The following ITGA2 variants were observed in gnomAD, a reference collection of about 807,000 sequenced individuals.
ITGA2 encodes integrin subunit alpha 2, also known as integrin alpha-2.
A neutral mutation model predicts 146.3 loss-of-function variants in ITGA2; 101 were observed. That is an observed-to-expected ratio of 0.69 (90% CI 0.59 to 0.81). ITGA2 has a LOEUF of 0.81. Among genes scored for constraint, ITGA2 ranks in the 40% least tolerant of loss-of-function variants. The pLI, the probability that ITGA2 is intolerant of heterozygous loss-of-function variation, is 0.00. For missense variants in ITGA2, 1,281 were observed against 1,402.7 expected, an observed-to-expected ratio of 0.91 and a Z score of 1.39; for synonymous variants, 477 against 487.1, an observed-to-expected ratio of 0.98 and a Z score of 0.27.
At position 53,051,784 on chromosome 5, in the gene ITGA2, C is replaced by T. The variant is rs3212507; in HGVS notation, c.779+225C>T. Among the ~76,000 whole-genome samples, 913 of 152,108 alleles carry T rather than the reference C, an allele frequency of 6.0e-3. 8 individuals are homozygous for T. Among genetic ancestry groups the T allele is most frequent in the African/African-American group, 0.021 (874 of 41,502 alleles). ...TGATTTTAGGATATTTATAAGATAT[C>T]ACATGATATTTAAATGAATTTATGT... On this transcript the variant is annotated intron_variant, in intron 7 of 29. Transcript: ENST00000296585.
In ITGA2 at chr5:53,048,373, C is replaced by A; in HGVS notation, c.398C>A (p.Pro133His). 1.2e-6 allele frequency: 2 copies of A among 1,613,648 alleles called. No individual in the cohort carries two copies. Among genetic ancestry groups the A allele is most frequent in the Non-Finnish European group, 1.7e-6 (2 of 1,179,570 alleles). The change falls in exon 5 of 30, where the codon CCT becomes CAT. Residue 133 changes from proline to histidine, a missense_variant. Physicochemically the swap from Pro to His is moderately conservative, Grantham distance 77. Transcript: ENST00000296585. ...CTCATTTCTTTGAAGACATGTGGTCCTCTGTGGGCACAGCAATGTGGGAAT... is the reference window on the plus strand; with the variant it reads ...CTCATTTCTTTGAAGACATGTGGTCATCTGTGGGCACAGCAATGTGGGAAT... Reference protein sequence around the residue: ...MGTGGFLTCGPLWAQQCGNQY... With the variant: ...MGTGGFLTCGHLWAQQCGNQY...
chr5:53,021,815 C>T (rs1742695627), intron 1 of ITGA2, among the ~76,000 whole-genome samples: 1 of 152,150 alleles, frequency 6.6e-6, no homozygotes, highest in African/African-American at 2.4e-5. Context: ...GGCCAAATTG[C>T]AATCTGAGAG....
rs550028439 is a variant in ITGA2, at chr5:53,048,350, C to A, written c.388-13C>A. The stretch of plus-strand genomic sequence containing the variant: ...CATGTGTTTCCATTGATTGTTTTCT[C>A]ATTTCTTTGAAGACATGTGGTCCTC... On this transcript the variant is annotated splice_polypyrimidine_tract_variant and intron_variant, in intron 4 of 29. Coordinates refer to ENST00000296585, the MANE Select transcript of ITGA2 (RefSeq NM_002203.4). The A allele has an allele frequency of 8.1e-6, 13 of 1,598,002 alleles. No individual in the cohort carries two copies. The Admixed American group carries it at 8.3e-5, about 10-fold the overall frequency.
chr5:53,039,065 C>A (rs983897436), intron 2 of ITGA2, among the ~76,000 whole-genome samples: 1 of 152,112 alleles, frequency 6.6e-6, no homozygotes. Flanking sequence ...TGCACTCCAG[C>A]CTGAGTGACA....
intron 2 of ITGA2, among the ~76,000 whole-genome samples, chr5:53,033,422 A>G (rs1002850299): frequency 6.6e-6 from 1 of 152,064 alleles, no homozygotes; most frequent in Non-Finnish European, 1.5e-5. Context: ...TCTTTCCAAA[A>G]TAATCATGTC....
intron 23 of ITGA2, among the ~76,000 whole-genome samples, chr5:53,076,633 AT>A (rs1357576548): frequency 6.6e-6 from 1 of 151,910 alleles, no homozygotes; most frequent in Middle Eastern, 3.2e-3. Flanking sequence ...TCTTCTAAAT[AT>A]TTTTTGTCAA....
At chr5:53,041,656 G>A (rs1579839475) in intron 2 of ITGA2, among the ~76,000 whole-genome samples, 3 of 152,120 alleles carry the variant, frequency 2.0e-5, no homozygotes, top group African/African-American at 7.2e-5. Context: ...TGCTCTAAGT[G>A]TAAAATCTAC....
At chr5:53,079,451 G>A (rs1392558073) in intron 24 of ITGA2, among the ~76,000 whole-genome samples, 2 of 151,970 alleles carry the variant, frequency 1.3e-5, no homozygotes, top group Non-Finnish European at 2.9e-5. Context: ...ATTAGTAAGC[G>A]ATTATTAATC....
At position 53,092,164 on chromosome 5, in the gene ITGA2, A is replaced by G. The variant is rs1316826788; in HGVS notation, c.*1565A>G. ...TGAGCCCCCACATTCTCTAGGAGAA[A>G]CTTAGAGGAAAAGGGCACAGACACT... On this transcript the variant is annotated 3_prime_UTR_variant, in exon 30 of 30. Transcript: ENST00000296585. 2 of 152,194 alleles carry G rather than the reference A, an allele frequency of 1.3e-5. No homozygotes were observed. Among genetic ancestry groups the G allele is most frequent in the Non-Finnish European group, 2.9e-5 (2 of 68,036 alleles). The allele number at this position is 152,194 out of a possible 1,614,324, so 9.4% of individuals were successfully genotyped here.
rs1293840159 is a variant in ITGA2 at position 53,070,250 on chromosome 5, T to C, written c.2225T>C (p.Ile742Thr). The change falls in exon 17 of 30, where the codon ATT becomes ACT. Residue 742 changes from isoleucine to threonine, a missense_variant. This residue lies in a region of ITGA2 where 475 missense variants were observed against 530.5 expected (regional missense o/e 0.90). Coordinates refer to ENST00000296585, the MANE Select transcript of ITGA2 (RefSeq NM_002203.4). ...NQAQSCPEHI[I>T]YIQEPSDVVN... is the part of the protein sequence containing the mutation. ...GCACAGAGTTGCCCCGAGCACATCA[T>C]TTATATACAGGTAAGGCCTCAGGAA... 3 of 1,611,610 alleles carry C rather than the reference T, an allele frequency of 1.9e-6. No homozygotes were observed. In the South Asian group the frequency reaches 3.3e-5, roughly 18 times the overall value.
chr5:53,029,187 G>A (rs779393453), intron 2 of ITGA2, among the ~76,000 whole-genome samples: 14 of 152,090 alleles, frequency 9.2e-5, no homozygotes, highest in Non-Finnish European at 1.3e-4. Flanking sequence ...CAGGAGAATC[G>A]CTTGAACCTG....
At chr5:53,010,623 T>C (rs1742077962) in intron 1 of ITGA2, among the ~76,000 whole-genome samples, 1 of 152,140 alleles carries the variant, frequency 6.6e-6, no homozygotes, top group African/African-American at 2.4e-5. Flanking sequence ...GAGCTGACAA[T>C]ATTTAGATGA....
intron 1 of ITGA2, among the ~76,000 whole-genome samples, chr5:52,991,934 G>A (rs1257883956): frequency 6.6e-6 from 1 of 152,142 alleles, no homozygotes; most frequent in East Asian, 1.9e-4. Context: ...GAAGGCAAAT[G>A]TAATTTTGAA....
intron 1 of ITGA2, among the ~76,000 whole-genome samples, chr5:53,016,198 T>A (rs1270168118): frequency 6.6e-6 from 1 of 152,204 alleles, no homozygotes; most frequent in Admixed American, 6.5e-5. Context: ...TGTACTTAAG[T>A]GTGTTTTTGT....
chr5:53,042,780 A>G (rs916242579), intron 3 of ITGA2, among the ~76,000 whole-genome samples: 8 of 152,192 alleles, frequency 5.3e-5, no homozygotes, highest in Non-Finnish European at 2.9e-5. Context: ...TGACATTTCC[A>G]TGTAATATGC....
At chr5:53,059,776 A>T in intron 10 of ITGA2, 98 bp from the exon 11 acceptor site, 1 of 1,098,656 alleles carries the variant, frequency 9.1e-7, no homozygotes. Context: ...ATCATTTTTA[A>T]TAAATCTAAA....
chr5:53,086,450 A>G (rs1440809828), intron 27 of ITGA2, among the ~76,000 whole-genome samples: 1 of 152,178 alleles, frequency 6.6e-6, no homozygotes, highest in Non-Finnish European at 1.5e-5. Flanking sequence ...ATCATTTTAC[A>G]CACATGTACC....
At chr5:53,063,461 C>CA (rs3212686) in intron 13 of ITGA2, among the ~76,000 whole-genome samples, 25 of 151,644 alleles carry the variant, frequency 1.6e-4, no homozygotes, top group Non-Finnish European at 2.8e-4. Context: ...AGTCCTTCCA[C>CA]AAAAAAACAC....
intron 2 of ITGA2, among the ~76,000 whole-genome samples, chr5:53,027,391 T>C (rs892094609): frequency 6.6e-6 from 1 of 152,210 alleles, no homozygotes; most frequent in African/African-American, 2.4e-5. Flanking sequence ...AAGGTGGCTT[T>C]CTCTAGCATA....
Sources: gnomAD v4.1 joint callset for allele counts (sites outside exome capture counted in the v4.1 genomes callset) on GRCh38, gnomAD v4.1.1 for gene constraint, gnomAD v4.1.1 regional missense constraint, MANE v1.5 for transcripts, NCBI Gene and HGNC (gene_info 2026-07-23, HGNC 2026-07-21) for gene names.